The following LOC728743 variants were observed in gnomAD, a reference collection of about 807,000 sequenced individuals.
At chr7:150,407,753 C>T in the LOC728743 span, 1 of 400,138 alleles carries the variant, frequency 2.5e-6, no homozygotes, top group Non-Finnish European at 4.4e-6. Context: ...GACCTTCTCG[C>T]AGCAGCCCAG....
chr7:150,408,325 C>T, the LOC728743 span: 53 of 360,642 alleles, frequency 1.5e-4, no homozygotes, highest in Admixed American at 2.8e-4. Flanking sequence ...AGATGGGATC[C>T]CGGGAGAGGG....
chr7:150,406,068 G>T, the LOC728743 span, among the ~76,000 whole-genome samples: 1 of 152,178 alleles, frequency 6.6e-6, no homozygotes, highest in Non-Finnish European at 1.5e-5. Context: ...TGTCTTTGCA[G>T]ATGTCAGTGC....
At chr7:150,410,187 C>G in the LOC728743 span, 2 of 398,588 alleles carry the variant, frequency 5.0e-6, no homozygotes, top group Non-Finnish European at 8.8e-6. Context: ...TCTTAAGACC[C>G]GATAGGTGCA....
the LOC728743 span, among the ~76,000 whole-genome samples, chr7:150,403,172 G>A: frequency 6.6e-6 from 1 of 152,302 alleles, no homozygotes; most frequent in African/African-American, 2.4e-5. This position sits in a 1 kb window ranked among gnomAD's most constrained non-coding sequence, Gnocchi z 5.1. Flanking sequence ...AGAATGGGAT[G>A]AGGGGGAACC....
At chr7:150,405,043 T>C in the LOC728743 span, 1 of 152,224 alleles carries the variant, frequency 6.6e-6, no homozygotes. Context: ...AACGGCCGAA[T>C]GCAGGCCTCA....
chr7:150,408,124 CG>C, the LOC728743 span: 1 of 385,216 alleles, frequency 2.6e-6, no homozygotes, highest in Non-Finnish European at 4.6e-6. Context: ...GCCCCCGCTG[CG>C]GCAAGAGCTT....
the LOC728743 span, among the ~76,000 whole-genome samples, chr7:150,403,514 G>T: frequency 3.1e-4 from 47 of 152,230 alleles, no homozygotes; most frequent in Non-Finnish European, 5.9e-4. The surrounding 1 kb of genome is among the most constrained non-coding windows in gnomAD (Gnocchi z 5.1). Flanking sequence ...GTCTGCAGAG[G>T]AGATGAACAC....
the LOC728743 span, chr7:150,410,719 A>G: frequency 2.6e-5 from 4 of 152,356 alleles, no homozygotes; most frequent in Non-Finnish European, 5.9e-5. Flanking sequence ...CTTCCCTAGG[A>G]AAACAGATAA....
the LOC728743 span, among the ~76,000 whole-genome samples, chr7:150,402,038 A>G: frequency 1.3e-5 from 2 of 152,234 alleles, no homozygotes; most frequent in Admixed American, 6.5e-5. Flanking sequence ...CAAGTAACTT[A>G]TGTAAAGCAT....
the LOC728743 span, chr7:150,407,650 G>A: frequency 2.5e-6 from 1 of 399,102 alleles, no homozygotes; most frequent in Non-Finnish European, 4.4e-6. Context: ...GGTCCCCTGC[G>A]GGGGACGGGG....
the LOC728743 span, among the ~76,000 whole-genome samples, chr7:150,401,458 A>G: frequency 1.3e-5 from 2 of 152,022 alleles, no homozygotes; most frequent in Non-Finnish European, 2.9e-5. Flanking sequence ...GGGATGTGAA[A>G]CCTTTTGTTA....
chr7:150,409,253 T>C, the LOC728743 span, among the ~76,000 whole-genome samples: 75 of 151,480 alleles, frequency 5.0e-4, no homozygotes, highest in Non-Finnish European at 1.0e-3. Context: ...TTTAATGAGA[T>C]GAGTGCTATG....
the LOC728743 span, among the ~76,000 whole-genome samples, chr7:150,409,030 G>A: frequency 6.6e-6 from 1 of 152,126 alleles, no homozygotes; most frequent in African/African-American, 2.4e-5. Flanking sequence ...AGACCGAGGA[G>A]GGTGACTGGT....
the LOC728743 span, among the ~76,000 whole-genome samples, chr7:150,409,263 G>A: frequency 3.9e-5 from 6 of 152,036 alleles, no homozygotes; most frequent in African/African-American, 1.5e-4. Flanking sequence ...TGAGTGCTAT[G>A]ATCTCAGACT....
the LOC728743 span, among the ~76,000 whole-genome samples, chr7:150,402,337 C>T: frequency 6.6e-6 from 1 of 152,210 alleles, no homozygotes; most frequent in Non-Finnish European, 1.5e-5. Flanking sequence ...ACATCTCCAT[C>T]CAGGCCTCTG....
chr7:150,406,493 GAA>G, the LOC728743 span, among the ~76,000 whole-genome samples: 1 of 152,116 alleles, frequency 6.6e-6, no homozygotes, highest in African/African-American at 2.4e-5. Context: ...CTAGTACATT[GAA>G]AAGAGCTTTC....
At chr7:150,403,323 T>A in the LOC728743 span, among the ~76,000 whole-genome samples, 3 of 152,048 alleles carry the variant, frequency 2.0e-5, no homozygotes, top group African/African-American at 7.3e-5. The surrounding 1 kb of genome is among the most constrained non-coding windows in gnomAD (Gnocchi z 5.1). Context: ...ACAGGGCAGG[T>A]TTGAGGTGGT....
chr7:150,402,130 G>A, the LOC728743 span, among the ~76,000 whole-genome samples: 154 of 152,214 alleles, frequency 1.0e-3, no homozygotes, highest in Non-Finnish European at 1.9e-3. Context: ...GTTACTTGCA[G>A]AGCAATTGTG....
the LOC728743 span, among the ~76,000 whole-genome samples, chr7:150,409,122 T>G: frequency 9.9e-6 from 1 of 101,150 alleles, no homozygotes; most frequent in Admixed American, 1.2e-4. Context: ...AGAGCAAGTG[T>G]GTAGAAGGGT....
Sources: allele counts gnomAD v4.1 joint callset (sites outside exome capture counted in the v4.1 genomes callset), GRCh38; gene constraint gnomAD v4.1.1; non-coding constraint Gnocchi (gnomAD v3.1); transcripts MANE v1.5.